Variants in LMNA observed in about 807,000 individuals in gnomAD.
The protein encoded by LMNA is lamin.
In LMNA, 20 loss-of-function variants were observed where a neutral mutation model predicts 70.4. The observed-to-expected ratio is 0.28, with a 90% confidence interval of 0.20 to 0.41. The LOEUF is 0.41. Among genes scored for constraint, LMNA ranks in the 10% least tolerant of loss-of-function variants. LMNA has a pLI of 1.00. For synonymous variants in LMNA, 339 were observed against 372.8 expected, an observed-to-expected ratio of 0.91 and a Z score of 1.04; for missense variants, 652 against 917.2, an observed-to-expected ratio of 0.71 and a Z score of 3.73.
At chr1:156,095,461 C>A (rs534210903) in intron 3 of LMNA, among the ~76,000 whole-genome samples, 1 of 151,970 alleles carries the variant, frequency 6.6e-6, no homozygotes, top group Admixed American at 6.5e-5. Flanking sequence ...GCCTTAGCCT[C>A]CTGAGTAGCT....
chr1:156,095,572 G>C (rs970825055), intron 3 of LMNA, among the ~76,000 whole-genome samples: 24 of 151,180 alleles, frequency 1.6e-4, no homozygotes, highest in African/African-American at 5.8e-4. Flanking sequence ...GGGCAGGCTG[G>C]TCTCGAACTC....
chr1:156,134,982 G>C lies in LMNA; in HGVS notation c.810+7G>C, dbSNP rs949943976. On this transcript the variant is annotated splice_region_variant and intron_variant, in intron 4 of 11. Coordinates refer to ENST00000368300, the MANE Select transcript of LMNA (RefSeq NM_170707.4). This position sits in a 1 kb window ranked among gnomAD's most constrained non-coding sequence, Gnocchi z 5.3. ...GAAGACTTATTCTGCCAAGGTGCTT[G>C]CTCTCGATTGGTTCCCTCACTGCCT... The C allele has an allele frequency of 6.2e-7, 1 of 1,614,180 alleles. No individual in the cohort carries two copies. The highest frequency in any genetic ancestry group is 1.7e-5 in the Admixed American group (1 of 60,034).
chr1:156,130,994 G>A (rs1651015811), intron 2 of LMNA, among the ~76,000 whole-genome samples: 1 of 152,164 alleles, frequency 6.6e-6, no homozygotes, highest in African/African-American at 2.4e-5. Flanking sequence ...CCAGGAGGCC[G>A]GGCATGGTGG....
upstream of LMNA, among the ~76,000 whole-genome samples, chr1:156,113,446 A>G (rs1380363235): frequency 6.6e-6 from 1 of 152,206 alleles, no homozygotes; most frequent in Non-Finnish European, 1.5e-5. Context: ...TGGAGGCTCC[A>G]GAGCCTGAGG....
At chr1:156,122,671 G>A (rs903234407) in intron 1 of LMNA, among the ~76,000 whole-genome samples, 3 of 152,244 alleles carry the variant, frequency 2.0e-5, no homozygotes, top group African/African-American at 7.2e-5. Flanking sequence ...TGCGGCACAG[G>A]AATGGCTCCC....
rs1416094036 is a variant in LMNA at position 156,134,660 on chromosome 1, G to A, written c.639+132G>A. On this transcript the variant is annotated intron_variant, in intron 3 of 11. Coordinates refer to ENST00000368300, the MANE Select transcript of LMNA (RefSeq NM_170707.4). This position sits in a 1 kb window ranked among gnomAD's most constrained non-coding sequence, Gnocchi z 5.3. ...TGCCCTAGTGGACAGGGAGTTGGGG[G>A]TGGCCAGCACTCAGCTCCCAGGTTA... 1.3e-6 allele frequency: 2 copies of A among 1,539,040 alleles called. No homozygotes were observed. Among genetic ancestry groups the A allele is most frequent in the African/African-American group, 2.7e-5 (2 of 73,312 alleles).
At position 156,134,439 on chromosome 1, in the gene LMNA, C is replaced by CA; in HGVS notation, c.551dup (p.Asp185GlyfsTer2). 6.2e-7 allele frequency: 1 copy of CA among 1,614,164 alleles called. No individual in the cohort carries two copies. The highest frequency in any genetic ancestry group is 8.5e-7 in the Non-Finnish European group (1 of 1,180,022). ...CCTAGGTGAGGCCAAGAAGCAACTT[C>CA]AGGATGAGATGCTGCGGCGGGTGGA... On this transcript the variant is annotated frameshift_variant, in exon 3 of 12. Coordinates refer to ENST00000368300, the MANE Select transcript of LMNA (RefSeq NM_170707.4). LOFTEE classifies it high-confidence loss of function. This position sits in a 1 kb window ranked among gnomAD's most constrained non-coding sequence, Gnocchi z 5.3.
chr1:156,126,218 G>A (rs896190740), intron 1 of LMNA: 2 of 1,523,026 alleles, frequency 1.3e-6, no homozygotes, highest in Non-Finnish European at 1.8e-6. Context: ...GGAACTCTGA[G>A]GGCTGGTGAG....
Position 156,136,463 on chromosome 1 carries a change from G to A in LMNA, c.1380+27G>A. The A allele has an allele frequency of 1.3e-6, 2 of 1,543,946 alleles. No individual in the cohort carries two copies. Among genetic ancestry groups the A allele is most frequent in the Non-Finnish European group, 1.8e-6 (2 of 1,141,220 alleles). On this transcript the variant is annotated intron_variant, in intron 7 of 11. Transcript: ENST00000368300. The surrounding 1 kb of genome is among the most constrained non-coding windows in gnomAD (Gnocchi z 6.1). ...TAGGCTCCTGCTCAGGGTCTAAGGG[G>A]ATACAGCTGCATCAGGGAGAGAGTG...
chr1:156,096,613 T>C (rs538208576), intron 3 of LMNA, among the ~76,000 whole-genome samples: 1 of 152,332 alleles, frequency 6.6e-6, no homozygotes, highest in African/African-American at 2.4e-5. Context: ...ACTTTATCCA[T>C]GAAGATGAAA....
rs1391230389 is a variant in LMNA, at chr1:156,126,861, T to C, written c.357-3756T>C. 3 of 1,611,850 alleles carry C rather than the reference T, an allele frequency of 1.9e-6. No homozygotes were observed. In the East Asian group the frequency reaches 6.7e-5, roughly 36 times the overall value. On this transcript the variant is annotated intron_variant, in intron 1 of 11. Coordinates refer to ENST00000368300, the MANE Select transcript of LMNA (RefSeq NM_170707.4). ...GATGCAAGGGAAAGGACTGGCACTC[T>C]GCTGGCACAGCACCCGGCCTGGGGC...
rs967440093 is a variant in LMNA, at chr1:156,115,598, A to C, written c.356+324A>C. Among the ~76,000 whole-genome samples, 1 of 151,796 alleles carries C rather than the reference A, an allele frequency of 6.6e-6. No individual in the cohort carries two copies. The highest frequency in any genetic ancestry group is 2.4e-5 in the African/African-American group (1 of 41,256). ...TTGCCAACTATTTGGAGCCGGGGGG[A>C]GGGGCTTGAGCAAAACAGAACTAGC... On this transcript the variant is annotated intron_variant, in intron 1 of 11. Transcript: ENST00000368300. The surrounding 1 kb of genome is among the most constrained non-coding windows in gnomAD (Gnocchi z 5.8).
Position 156,136,290 on chromosome 1 carries a change from G to A in LMNA, c.1234G>A (p.Gly412Arg), listed in dbSNP as rs966050612. ...ASSHSSQTQG[G>R]GSVTKKRKLE... The stretch of plus-strand genomic sequence containing the variant: ...CTCTCACTCATCCCAGACACAGGGT[G>A]GGGGCAGCGTCACCAAAAAGCGCAA... The change falls in exon 7 of 12, where the codon GGG (glycine) becomes AGG (arginine). Residue 412 changes from glycine to arginine, a missense_variant. This residue lies in a region of LMNA where 327 missense variants were observed against 387.6 expected (regional missense o/e 0.84). Coordinates refer to ENST00000368300, the MANE Select transcript of LMNA (RefSeq NM_170707.4). The surrounding 1 kb of genome is among the most constrained non-coding windows in gnomAD (Gnocchi z 6.1). 6.2e-7 allele frequency: 1 copy of A among 1,611,994 alleles called. No individual in the cohort carries two copies. Among genetic ancestry groups the A allele is most frequent in the African/African-American group, 1.3e-5 (1 of 75,020 alleles).
Position 156,138,168 on chromosome 1 carries a change from T to C in LMNA, c.1699-320T>C, listed in dbSNP as rs968762979. On this transcript the variant is annotated intron_variant, in intron 10 of 11. Coordinates refer to ENST00000368300, the MANE Select transcript of LMNA (RefSeq NM_170707.4). This position sits in a 1 kb window ranked among gnomAD's most constrained non-coding sequence, Gnocchi z 5.5. Reference sequence around the variant, plus strand: ...CTGACCGCCCCTCCACTCCAATTAATAGTGCATGCCTGCTGCCCTACAAGC... The same window carrying C: ...CTGACCGCCCCTCCACTCCAATTAACAGTGCATGCCTGCTGCCCTACAAGC... 7 of 547,984 alleles carry C rather than the reference T, an allele frequency of 1.3e-5. No individual in the cohort carries two copies. The highest frequency in any genetic ancestry group is 1.9e-5 in the African/African-American group (1 of 52,894). The allele number at this position is 547,984 out of a possible 1,614,324, so 33.9% of individuals were successfully genotyped here.
chr1:156,120,941 A>G (rs968909407), intron 1 of LMNA, among the ~76,000 whole-genome samples: 2 of 151,302 alleles, frequency 1.3e-5, no homozygotes, highest in Non-Finnish European at 2.9e-5. Flanking sequence ...TGGCAGACCC[A>G]TTAGGTTAAT....
Position 156,083,339 on chromosome 1 carries a change from G to A in LMNA, c.-319+155G>A, listed in dbSNP as rs111463262. Among the ~76,000 whole-genome samples, 826 of 152,282 alleles carry A rather than the reference G, an allele frequency of 5.4e-3. 6 individuals carry two copies. Among genetic ancestry groups the A allele is most frequent in the African/African-American group, 0.019 (781 of 41,566 alleles). On this transcript the variant is annotated intron_variant, in intron 2 of 12. Coordinates refer to the LMNA transcript ENST00000368301. Reference sequence around the variant, plus strand: ...CTTAAAGGCCTGGGGTGACTTAACCGTTTGGGGTGAGGGCCTTGAGCTTTG... The same window carrying A: ...CTTAAAGGCCTGGGGTGACTTAACCATTTGGGGTGAGGGCCTTGAGCTTTG...
chr1:156,092,646 TC>T (rs1648751150), intron 3 of LMNA, among the ~76,000 whole-genome samples: 1 of 148,468 alleles, frequency 6.7e-6, no homozygotes, highest in Admixed American at 6.8e-5. Context: ...ACCACTGCAC[TC>T]CGGCTCTAGA....
chr1:156,138,502 C>T lies in LMNA; in HGVS notation c.1713C>T (p.Ser571=). ...LLHHHHGSHC[S]SSGDPAEYNL... The stretch of plus-strand genomic sequence containing the variant: ...TCCCTTCCCAGGGCTCCCACTGCAG[C>T]AGCTCGGGGGACCCCGCTGAGTACA... The change falls in exon 11 of 12, where the codon AGC becomes AGT. Residue 571 remains serine (S), a synonymous_variant. Coordinates refer to ENST00000368300, the MANE Select transcript of LMNA (RefSeq NM_170707.4). This position sits in a 1 kb window ranked among gnomAD's most constrained non-coding sequence, Gnocchi z 5.5. 6.2e-7 allele frequency: 1 copy of T among 1,612,400 alleles called. No homozygotes were observed.
At chr1:156,111,449 CA>C (rs5777973), upstream of LMNA, among the ~76,000 whole-genome samples, 40,776 of 119,570 alleles carry the variant, frequency 0.34, 6,348 homozygotes, top group East Asian at 0.67. Context: ...AACTCTGTCT[CA>C]AAAAAAAAAA....
Sources: gnomAD v4.1 joint callset for allele counts (sites outside exome capture counted in the v4.1 genomes callset) on GRCh38, gnomAD v4.1.1 for gene constraint, gnomAD v4.1.1 regional missense constraint, Gnocchi (gnomAD v3.1) non-coding constraint, MANE v1.5 for transcripts, NCBI Gene and HGNC (gene_info 2026-07-23, HGNC 2026-07-21) for gene names.